The following ADGRB3 variants were observed in gnomAD, a reference collection of about 807,000 sequenced individuals.
ADGRB3 encodes the protein brain-specific angiogenesis inhibitor 3.
ADGRB3 carries 37 observed loss-of-function variants against 193.4 expected under a neutral mutation model. That is an observed-to-expected ratio of 0.19 (90% CI 0.15 to 0.25). ADGRB3 has a LOEUF of 0.25. ADGRB3 is among the 10% of genes least tolerant of loss of function. The probability of loss-of-function intolerance (pLI) is 1.00; values close to 1 mark genes in which losing one functional copy is unlikely to be tolerated. For synonymous variants in ADGRB3, 690 were observed against 644.2 expected, an observed-to-expected ratio of 1.07 and a Z score of -1.08; for missense variants, 1,637 against 1,852.9, an observed-to-expected ratio of 0.88 and a Z score of 2.14.
intron 3 of ADGRB3, among the ~76,000 whole-genome samples, chr6:68,834,011 A>C (rs953854587): frequency 6.6e-6 from 1 of 151,606 alleles, no homozygotes; most frequent in African/African-American, 2.4e-5. Flanking sequence ...CACAGTGCTT[A>C]CATATGTGAG....
At chr6:69,367,845 G>A (rs889491902) in intron 29 of ADGRB3, among the ~76,000 whole-genome samples, 35 of 152,022 alleles carry the variant, frequency 2.3e-4, no homozygotes, top group Admixed American at 1.1e-3. Context: ...GTCCTTTGTA[G>A]GGACATGGAT....
Position 68,772,908 on chromosome 6 carries a change from T to A in ADGRB3, c.757+133476T>A, listed in dbSNP as rs1343046676. Among the ~76,000 whole-genome samples the A allele has an allele frequency of 5.4e-3, 237 of 43,704 alleles. 3 individuals are homozygous for A. The highest frequency in any genetic ancestry group is 0.029 in the African/African-American group (182 of 6,382). The allele number at this position is 43,704 out of a possible 152,430, so 28.7% of individuals were successfully genotyped here. A position where few individuals can be genotyped will look rare whatever the true frequency, so the allele number is the denominator to read the frequency against. ...AAAAAAAAAAAAATATATATATATATATATATATATATATATATATATATA... is the reference window on the plus strand; with the variant it reads ...AAAAAAAAAAAAATATATATATATAAATATATATATATATATATATATATA... On this transcript the variant is annotated intron_variant, in intron 3 of 31. Transcript: ENST00000370598.
At chr6:69,251,739 A>G (rs1766626830) in intron 20 of ADGRB3, among the ~76,000 whole-genome samples, 1 of 152,224 alleles carries the variant, frequency 6.6e-6, no homozygotes. Context: ...GTTACTTAAC[A>G]TATCCATTAC....
At chr6:68,871,664 A>AT (rs1457101937) in intron 3 of ADGRB3, among the ~76,000 whole-genome samples, 1 of 152,136 alleles carries the variant, frequency 6.6e-6, no homozygotes, top group African/African-American at 2.4e-5. Flanking sequence ...CTCTAAAAAC[A>AT]TTCTTCCATT....
At chr6:68,778,080 C>G (rs1766783434) in intron 3 of ADGRB3, among the ~76,000 whole-genome samples, 1 of 152,118 alleles carries the variant, frequency 6.6e-6, no homozygotes, top group Non-Finnish European at 1.5e-5. Flanking sequence ...TTTAGCCAGT[C>G]ACAGACATCA....
In ADGRB3 at chr6:69,374,261, G is replaced by A. The variant is rs558663549; in HGVS notation, c.4275+1820G>A. Among the ~76,000 whole-genome samples the A allele has an allele frequency of 2.5e-4, 38 of 152,168 alleles. No individual in the cohort carries two copies. In the South Asian group the frequency reaches 3.5e-3, roughly 14 times the overall value. On this transcript the variant is annotated intron_variant, in intron 30 of 31. Transcript: ENST00000370598. ...ATGTGGCAGATATTTCGTGGATTGA[G>A]TTTAGAAAACTTATTGCCAAGTATA...
chr6:68,828,548 G>T (rs1045000676), intron 3 of ADGRB3, among the ~76,000 whole-genome samples: 13 of 152,104 alleles, frequency 8.5e-5, no homozygotes, highest in Non-Finnish European at 5.9e-5. Flanking sequence ...GATGATTAAG[G>T]TTGGTCAGGG....
intron 17 of ADGRB3, among the ~76,000 whole-genome samples, chr6:69,206,045 G>GTGTGTATATA (rs1327162820): frequency 7.0e-5 from 7 of 99,928 alleles, no homozygotes; most frequent in African/African-American, 2.7e-4. Context: ...TATAATAATG[G>GTGTGTATATA]TATATATATA....
At chr6:68,863,159 G>A (rs914879477) in intron 3 of ADGRB3, among the ~76,000 whole-genome samples, 3 of 152,130 alleles carry the variant, frequency 2.0e-5, no homozygotes, top group Non-Finnish European at 4.4e-5. Context: ...CATTCTATAT[G>A]TATGTGTAAA....
intron 17 of ADGRB3, among the ~76,000 whole-genome samples, chr6:69,203,579 C>A (rs1280174658): frequency 6.6e-6 from 1 of 152,046 alleles, no homozygotes; most frequent in African/African-American, 2.4e-5. Flanking sequence ...ATCCACAAGA[C>A]AAAGGCAAGT....
At chr6:68,805,150 A>G (rs1356468694) in intron 3 of ADGRB3, among the ~76,000 whole-genome samples, 1 of 152,070 alleles carries the variant, frequency 6.6e-6, no homozygotes, top group Non-Finnish European at 1.5e-5. Context: ...CCAGGCTGGT[A>G]TCTATCTAAT....
intron 20 of ADGRB3, among the ~76,000 whole-genome samples, chr6:69,322,042 G>T (rs1768466460): frequency 6.6e-6 from 1 of 151,666 alleles, no homozygotes; most frequent in African/African-American, 2.4e-5. Flanking sequence ...AGTGTCTGTT[G>T]TTCTCCTCTG....
intron 3 of ADGRB3, among the ~76,000 whole-genome samples, chr6:68,788,653 A>C (rs947278256): frequency 2.6e-5 from 4 of 152,020 alleles, no homozygotes; most frequent in Non-Finnish European, 5.9e-5. Context: ...GGAGAGTTCT[A>C]GAGATGTCTA....
intron 30 of ADGRB3, among the ~76,000 whole-genome samples, chr6:69,373,202 A>G (rs1223618452): frequency 6.6e-6 from 1 of 151,982 alleles, no homozygotes; most frequent in Non-Finnish European, 1.5e-5. Flanking sequence ...TACATTATAT[A>G]TTTCTCCAGT....
rs528683364 is a variant in ADGRB3 at position 69,297,931 on chromosome 6, C to T, written c.2815-26941C>T. Among the ~76,000 whole-genome samples, 9 of 152,092 alleles carry T rather than the reference C, an allele frequency of 5.9e-5. 1 individual carries two copies. The highest frequency in any genetic ancestry group is 5.9e-4 in the Admixed American group (9 of 15,262). On this transcript the variant is annotated intron_variant, in intron 20 of 31. Coordinates refer to ENST00000370598, the MANE Select transcript of ADGRB3 (RefSeq NM_001704.3). The stretch of plus-strand genomic sequence containing the variant: ...AAAGACAGAGCTGATGGTTTGAAAT[C>T]CTACTCTACTATGTACTAAGTTTGT...
chr6:68,952,154 C>CT (rs1291292708), intron 6 of ADGRB3, among the ~76,000 whole-genome samples: 1 of 152,102 alleles, frequency 6.6e-6, no homozygotes, highest in African/African-American at 2.4e-5. Flanking sequence ...TCCCTGTTCT[C>CT]TATTTTTTTC....
intron 29 of ADGRB3, among the ~76,000 whole-genome samples, chr6:69,364,615 C>T (rs1769529976): frequency 6.6e-6 from 1 of 152,016 alleles, no homozygotes; most frequent in African/African-American, 2.4e-5. Flanking sequence ...CCCAAATGAA[C>T]TTGTTAAGCA....
chr6:68,909,708 T>G (rs1766647356), intron 3 of ADGRB3, among the ~76,000 whole-genome samples: 1 of 152,176 alleles, frequency 6.6e-6, no homozygotes, highest in African/African-American at 2.4e-5. Context: ...CTTAAATGGT[T>G]CCTATCACTC....
chr6:68,765,352 CT>C (rs1766488204), intron 3 of ADGRB3, among the ~76,000 whole-genome samples: 1 of 152,004 alleles, frequency 6.6e-6, no homozygotes, highest in Non-Finnish European at 1.5e-5. Context: ...AAGTTACTTT[CT>C]ACCCCTAATT....
Sources: gnomAD v4.1 joint callset for allele counts (sites outside exome capture counted in the v4.1 genomes callset) on GRCh38, gnomAD v4.1.1 for gene constraint, MANE v1.5 for transcripts, NCBI Gene and HGNC (gene_info 2026-07-23, HGNC 2026-07-21) for gene names.